The following B3GALT5 variants were observed in gnomAD, a reference collection of about 807,000 sequenced individuals.
B3GALT5 encodes the protein UDP-Gal:betaGlcNAc beta 1,3-galactosyltransferase, polypeptide 5.
For missense variants in B3GALT5, 328 were observed against 396.6 expected (o/e 0.83, Z 1.47); for synonymous variants, 156 against 158.6 (o/e 0.98, Z 0.12).
chr21:39,615,699 G>T (rs981351860), intron 1 of B3GALT5, among the ~76,000 whole-genome samples: 1 of 152,142 alleles, frequency 6.6e-6, no homozygotes, highest in Non-Finnish European at 1.5e-5. Context: ...CCTCAGTTTC[G>T]TTAATTGAAA....
chr21:39,660,673 C>T lies in B3GALT5; in HGVS notation c.114C>T (p.Tyr38=). The change falls in exon 4 of 4, where the codon TAC becomes TAT. Residue 38 remains tyrosine (Y), a synonymous_variant. Transcript: ENST00000684187. The stretch of plus-strand genomic sequence containing the variant: ...CTTTCAAAGAACAGTCCTTTGTTTA[C>T]AAGAAAGACGGGAACTTCCTTAAGC... ...LNPFKEQSFV[Y]KKDGNFLKLP... 6.4e-7 allele frequency: 1 copy of T among 1,554,540 alleles called. No homozygotes were observed. Among genetic ancestry groups the T allele is most frequent in the Middle Eastern group, 1.7e-4 (1 of 5,782 alleles).
rs2079192684 is a variant in B3GALT5 at position 39,631,678 on chromosome 21, G to A, written c.-391-14714G>A. Among the ~76,000 whole-genome samples the A allele has an allele frequency of 2.0e-5, 3 of 152,128 alleles. No individual in the cohort carries two copies. In the South Asian group the frequency reaches 6.2e-4, roughly 32 times the overall value. On this transcript the variant is annotated intron_variant, in intron 1 of 3. Transcript: ENST00000684187. ...AGCATCTATGATGTGACATGCATGA[G>A]GTATTGAGATTTAAACAGATACGCT... is the stretch of plus-strand genomic sequence containing the variant.
At chr21:39,621,969 C>T (rs2079136581) in intron 1 of B3GALT5, among the ~76,000 whole-genome samples, 1 of 151,736 alleles carries the variant, frequency 6.6e-6, no homozygotes, top group Non-Finnish European at 1.5e-5. Context: ...GCTCTTTTTT[C>T]GTAGCTTCTT....
intron 2 of B3GALT5, among the ~76,000 whole-genome samples, chr21:39,649,971 C>T (rs1266329902): frequency 1.3e-5 from 2 of 152,152 alleles, no homozygotes; most frequent in African/African-American, 2.4e-5. Flanking sequence ...CCAGACCTCA[C>T]GCACCACCCT....
At chr21:39,651,009 AT>A (rs1346458209) in intron 2 of B3GALT5, among the ~76,000 whole-genome samples, 1 of 151,994 alleles carries the variant, frequency 6.6e-6, no homozygotes, top group Non-Finnish European at 1.5e-5. Context: ...GTGGCTGGGA[AT>A]GAGGTCACCG....
chr21:39,653,761 G>C (rs1466825289), intron 2 of B3GALT5, among the ~76,000 whole-genome samples: 1 of 152,224 alleles, frequency 6.6e-6, no homozygotes, highest in African/African-American at 2.4e-5. Context: ...GTGGGGTCTA[G>C]ATCTCAGCCC....
intron 1 of B3GALT5, among the ~76,000 whole-genome samples, chr21:39,639,346 C>CTTTTTCTTTT (rs1484731442): frequency 1.7e-5 from 2 of 114,586 alleles, no homozygotes; most frequent in African/African-American, 6.7e-5. Flanking sequence ...TTCTTTCTTT[C>CTTTTTCTTTT]TTTCCTTCCT....
chr21:39,620,349 A>T (rs1482853020), intron 1 of B3GALT5, among the ~76,000 whole-genome samples: 1 of 152,164 alleles, frequency 6.6e-6, no homozygotes, highest in African/African-American at 2.4e-5. Context: ...GAGTTGCCTG[A>T]TATTTTCTTA....
rs2079415876 is a variant in B3GALT5 at position 39,653,676 on chromosome 21, A to G, written c.-160-6077A>G. On this transcript the variant is annotated intron_variant, in intron 2 of 3. Transcript: ENST00000684187. ...ATTTCTGGCAAGTTCCAGAGGGTGG[A>G]TTCCAAACATGTTCCTCTAATGTGG... Among the ~76,000 whole-genome samples the G allele has an allele frequency of 2.0e-5, 3 of 152,236 alleles. No individual in the cohort carries two copies. In the South Asian group the frequency reaches 6.2e-4, roughly 32 times the overall value.
intron 1 of B3GALT5, among the ~76,000 whole-genome samples, chr21:39,635,077 C>A (rs1477016587): frequency 6.6e-6 from 1 of 152,174 alleles, no homozygotes; most frequent in Non-Finnish European, 1.5e-5. Context: ...GCCCACCATC[C>A]AAAAGACATG....
At position 39,650,601 on chromosome 21, in the gene B3GALT5, A is replaced by G. The variant is rs1473570288; in HGVS notation, c.-161+3979A>G. 5.9e-5 allele frequency among the ~76,000 whole-genome samples: 9 copies of G among 152,156 alleles called. No homozygotes were observed. The South Asian group carries it at 1.9e-3, about 32-fold the overall frequency. On this transcript the variant is annotated intron_variant, in intron 2 of 3. Transcript: ENST00000684187. ...TCCCTTTCAACCAAGGGGACGCCAC[A>G]AGCACCCCGTTCATACCTGCGTGCA...
chr21:39,640,427 C>G (rs2079280709), intron 1 of B3GALT5, among the ~76,000 whole-genome samples: 1 of 152,140 alleles, frequency 6.6e-6, no homozygotes, highest in African/African-American at 2.4e-5. Flanking sequence ...AGACCCTCTT[C>G]CCCAGGTCAA....
chr21:39,653,162 G>A (rs902492693), intron 2 of B3GALT5, among the ~76,000 whole-genome samples: 1 of 152,148 alleles, frequency 6.6e-6, no homozygotes, highest in Admixed American at 6.5e-5. Flanking sequence ...TCATTGATAA[G>A]TTTTTCCTGG....
At chr21:39,660,220 A>G (rs1229635168) in intron 3 of B3GALT5, among the ~76,000 whole-genome samples, 1 of 152,162 alleles carries the variant, frequency 6.6e-6, no homozygotes, top group Non-Finnish European at 1.5e-5. Flanking sequence ...GCGCTTCATC[A>G]TGGAGTCATA....
At chr21:39,640,569 G>A (rs1224774213) in intron 1 of B3GALT5, among the ~76,000 whole-genome samples, 3 of 152,066 alleles carry the variant, frequency 2.0e-5, no homozygotes, top group African/African-American at 7.2e-5. Context: ...TCTCAGACAC[G>A]TTTCGAAGGA....
Position 39,671,138 on chromosome 21 carries a change from C to G in B3GALT5, c.*9646C>G, listed in dbSNP as rs1008899875. 1 of 152,210 alleles carries G rather than the reference C, an allele frequency of 6.6e-6. No individual in the cohort carries two copies. Among genetic ancestry groups the G allele is most frequent in the African/African-American group, 2.4e-5 (1 of 41,458 alleles). The allele number at this position is 152,210 out of a possible 1,614,324, so 9.4% of individuals were successfully genotyped here. Reference sequence around the variant, plus strand: ...CCTCTTATAATAACATTAATTCATTCATGACAGCAGAACCCTCCTGACCCA... The same window carrying G: ...CCTCTTATAATAACATTAATTCATTGATGACAGCAGAACCCTCCTGACCCA... On this transcript the variant is annotated 3_prime_UTR_variant, in exon 4 of 4. Transcript: ENST00000684187.
Position 39,671,168 on chromosome 21 carries a change from C to T in B3GALT5, c.*9676C>T, listed in dbSNP as rs996609851. On this transcript the variant is annotated 3_prime_UTR_variant, in exon 4 of 4. Transcript: ENST00000684187. ...CAGCAGAACCCTCCTGACCCAGTCA[C>T]CTCTTAAAAGGTCCCACCTCTCAAC... The T allele has an allele frequency of 2.0e-5, 3 of 152,230 alleles. No homozygotes were observed. The highest frequency in any genetic ancestry group is 7.2e-5 in the African/African-American group (3 of 41,464). The allele number at this position is 152,230 out of a possible 1,614,324, so 9.4% of individuals were successfully genotyped here. A position where few individuals can be genotyped will look rare whatever the true frequency, so the allele number is the denominator to read the frequency against.
At chr21:39,633,309 G>A (rs2079204198) in intron 1 of B3GALT5, among the ~76,000 whole-genome samples, 1 of 152,164 alleles carries the variant, frequency 6.6e-6, no homozygotes, top group South Asian at 2.1e-4. Context: ...AAAGGGAAGA[G>A]TCAGTTTAAC....
chr21:39,653,920 G>T (rs923857008), intron 2 of B3GALT5, among the ~76,000 whole-genome samples: 6 of 152,166 alleles, frequency 3.9e-5, no homozygotes, highest in African/African-American at 1.4e-4. Flanking sequence ...TATAGTAAAT[G>T]ATTCTTTGTA....
Sources: allele counts gnomAD v4.1 joint callset (sites outside exome capture counted in the v4.1 genomes callset), GRCh38; gene constraint gnomAD v4.1.1; transcripts MANE v1.5; gene names NCBI Gene and HGNC (gene_info 2026-07-23, HGNC 2026-07-21).